The following WDFY4 variants were observed in gnomAD, a reference collection of about 807,000 sequenced individuals.
WDFY4 encodes WDFY family member 4.
Under a neutral mutation model 351.9 loss-of-function variants are expected in WDFY4, and 169 were observed. That is an observed-to-expected ratio of 0.48 (90% CI 0.42 to 0.55). The LOEUF is 0.55. Ranked by LOEUF, WDFY4 falls within the 20% of genes least tolerant of loss-of-function variation. The pLI is 0.00. For synonymous variants in WDFY4, 1,622 were observed against 1,574.6 expected (o/e 1.03, Z -0.71); for missense variants, 3,803 against 3,935.6 (o/e 0.97, Z 0.90).
chr10:48,920,270 A>G (rs1010833270), intron 47 of WDFY4, among the ~76,000 whole-genome samples: 1 of 152,062 alleles, frequency 6.6e-6, no homozygotes, highest in African/African-American at 2.4e-5. Flanking sequence ...GAGCGGACAA[A>G]AAACCAAATA....
chr10:48,809,425 A>T (rs987739987), intron 28 of WDFY4, among the ~76,000 whole-genome samples: 3 of 144,030 alleles, frequency 2.1e-5, no homozygotes, highest in Admixed American at 6.9e-5. Context: ...TCACCACAAC[A>T]TTAATCACCA....
At chr10:48,775,909 A>G (rs2066017217) in intron 15 of WDFY4, 103 bp downstream of exon 15, 2 of 1,120,656 alleles carry the variant, frequency 1.8e-6, no homozygotes, top group African/African-American at 1.6e-5. Context: ...AAACAGGTTT[A>G]AACATGGTTT....
At chr10:48,868,742 A>G (rs896252932) in intron 40 of WDFY4, among the ~76,000 whole-genome samples, 3 of 152,172 alleles carry the variant, frequency 2.0e-5, no homozygotes, top group Non-Finnish European at 4.4e-5. Flanking sequence ...TAAACTTCCT[A>G]ATCTGCATCT....
intron 10 of WDFY4, among the ~76,000 whole-genome samples, chr10:48,734,562 A>T (rs2064585322): frequency 6.6e-6 from 1 of 151,580 alleles, no homozygotes; most frequent in Non-Finnish European, 1.5e-5. Flanking sequence ...AGACACACCA[A>T]CATCATATCA....
At chr10:48,883,563 C>A (rs190327681) in intron 43 of WDFY4, among the ~76,000 whole-genome samples, 3 of 152,302 alleles carry the variant, frequency 2.0e-5, no homozygotes, top group South Asian at 4.1e-4. Flanking sequence ...GAAACATGCC[C>A]ACGATAGGGG....
chr10:48,865,910 G>T (rs906921700), intron 39 of WDFY4, among the ~76,000 whole-genome samples: 2 of 152,074 alleles, frequency 1.3e-5, no homozygotes, highest in Non-Finnish European at 2.9e-5. Flanking sequence ...AAAAAATTCA[G>T]TAAGGTCAGT....
intron 2 of WDFY4, among the ~76,000 whole-genome samples, chr10:48,714,559 C>T (rs552339136): frequency 1.3e-5 from 2 of 152,276 alleles, no homozygotes; most frequent in East Asian, 3.9e-4. Flanking sequence ...TGGTCTCACA[C>T]CAAGGGAAGA....
At chr10:48,899,259 T>C (rs1165673735) in intron 45 of WDFY4, among the ~76,000 whole-genome samples, 2 of 152,210 alleles carry the variant, frequency 1.3e-5, no homozygotes, top group Non-Finnish European at 2.9e-5. Context: ...CTGCATTCAC[T>C]TCCTGTTTTG....
At chr10:48,843,923 T>A (rs534877814) in intron 39 of WDFY4, among the ~76,000 whole-genome samples, 2 of 152,366 alleles carry the variant, frequency 1.3e-5, no homozygotes, top group African/African-American at 2.4e-5. Flanking sequence ...AAAAATGCTC[T>A]AGCATTCAAA....
chr10:48,821,512 T>C (rs558608013), intron 34 of WDFY4, among the ~76,000 whole-genome samples: 1 of 152,334 alleles, frequency 6.6e-6, no homozygotes, highest in South Asian at 2.1e-4. Context: ...TAACCTTCCG[T>C]GCTCAGCATT....
At chr10:48,742,652 G>A (rs901431524) in intron 11 of WDFY4, among the ~76,000 whole-genome samples, 2 of 152,058 alleles carry the variant, frequency 1.3e-5, no homozygotes, top group African/African-American at 4.8e-5. Context: ...GGGAATGAGA[G>A]GGGGATGTGT....
chr10:48,828,358 G>A (rs548677408), intron 36 of WDFY4, among the ~76,000 whole-genome samples: 285 of 152,270 alleles, frequency 1.9e-3, no homozygotes, highest in Middle Eastern at 6.8e-3. Flanking sequence ...CTAAGTGCAG[G>A]GCCCTGTGTA....
At chr10:48,921,092 G>A (rs1253454411) in intron 47 of WDFY4, among the ~76,000 whole-genome samples, 1 of 152,132 alleles carries the variant, frequency 6.6e-6, no homozygotes, top group African/African-American at 2.4e-5. Flanking sequence ...AAAATTACAG[G>A]AGGATTATTT....
intron 27 of WDFY4, among the ~76,000 whole-genome samples, chr10:48,807,138 T>C (rs1005186029): frequency 1.3e-5 from 2 of 152,216 alleles, no homozygotes; most frequent in Non-Finnish European, 2.9e-5. Context: ...CCAGGTTGCC[T>C]CATCAGTCCT....
intron 1 of WDFY4, among the ~76,000 whole-genome samples, chr10:48,709,016 C>CT (rs376185292): frequency 1.1e-4 from 17 of 150,546 alleles, no homozygotes; most frequent in South Asian, 6.3e-4. Context: ...CACCCCCCCC[C>CT]CCCAAACAGG....
chr10:48,880,511 C>T (rs1319455444), intron 43 of WDFY4, among the ~76,000 whole-genome samples: 2 of 152,254 alleles, frequency 1.3e-5, no homozygotes, highest in Non-Finnish European at 2.9e-5. Flanking sequence ...AAATGCCACA[C>T]ACTGTTTGCT....
At chr10:48,690,233 G>C (rs898006733) in intron 1 of WDFY4, among the ~76,000 whole-genome samples, 1 of 152,194 alleles carries the variant, frequency 6.6e-6, no homozygotes, top group African/African-American at 2.4e-5. Flanking sequence ...GTCAATTATG[G>C]GTGATCCATC....
chr10:48,831,637 G>C (rs1229569104), intron 38 of WDFY4, among the ~76,000 whole-genome samples: 1 of 152,194 alleles, frequency 6.6e-6, no homozygotes, highest in African/African-American at 2.4e-5. Context: ...CATTTATGCT[G>C]CTATAACAAA....
Position 48,703,585 on chromosome 10 carries a change from C to G in WDFY4, c.-17-6131C>G, listed in dbSNP as rs373882886. 5.3e-5 allele frequency among the ~76,000 whole-genome samples: 8 copies of G among 152,322 alleles called. No individual in the cohort carries two copies. In the South Asian group the frequency reaches 1.2e-3, roughly 24 times the overall value. ...TCCCAAGCTAACCCTTTGGGTCATT[C>G]CACATGTCTTCTTGCTCTGGGGCAG... On this transcript the variant is annotated intron_variant, in intron 1 of 61. Transcript: ENST00000325239.
Sources: gnomAD v4.1 joint callset for allele counts (sites outside exome capture counted in the v4.1 genomes callset) on GRCh38, gnomAD v4.1.1 for gene constraint, MANE v1.5 for transcripts, NCBI Gene and HGNC (gene_info 2026-07-23, HGNC 2026-07-21) for gene names.